Variants in CAPN5 observed in about 807,000 individuals in gnomAD.
The protein encoded by CAPN5 is calpain-5.
CAPN5 carries 54 observed loss-of-function variants against 73.0 expected under a neutral mutation model. The ratio of observed to expected loss-of-function variants is 0.74; its 90% CI spans 0.59 to 0.93. The LOEUF (loss-of-function observed/expected upper bound fraction) is 0.93. Ranked by LOEUF, CAPN5 falls within the 40% of genes least tolerant of loss-of-function variation. CAPN5 has a pLI of 0.00. For missense variants in CAPN5, 785 were observed against 882.9 expected, an observed-to-expected ratio of 0.89 and a Z score of 1.41; for synonymous variants, 335 against 356.9, an observed-to-expected ratio of 0.94 and a Z score of 0.69.
intron 3 of CAPN5, among the ~76,000 whole-genome samples, chr11:77,098,177 G>A (rs1950234384): frequency 1.4e-5 from 1 of 70,532 alleles, no homozygotes; most frequent in Admixed American, 1.1e-4. Context: ...GGGGCGGCCG[G>A]GCAGAGGCGT....
At chr11:77,106,228 A>C (rs1950346482) in intron 3 of CAPN5, among the ~76,000 whole-genome samples, 2 of 150,600 alleles carry the variant, frequency 1.3e-5, no homozygotes, top group African/African-American at 2.5e-5. Context: ...CACACCCCTC[A>C]CAGCATGCGC....
At chr11:77,105,306 C>T (rs1222737393) in intron 3 of CAPN5, among the ~76,000 whole-genome samples, 4 of 152,118 alleles carry the variant, frequency 2.6e-5, no homozygotes, top group Non-Finnish European at 5.9e-5. Flanking sequence ...ACTCCCCCAG[C>T]CCTTGCCACC....
chr11:77,067,525 T>G (rs1949856401), intron 1 of CAPN5, among the ~76,000 whole-genome samples: 1 of 151,934 alleles, frequency 6.6e-6, no homozygotes, highest in Non-Finnish European at 1.5e-5. Context: ...CACCCAGGCC[T>G]GGGGAAGGGG....
chr11:77,104,238 G>T (rs1320783638), intron 3 of CAPN5, among the ~76,000 whole-genome samples: 1 of 152,142 alleles, frequency 6.6e-6, no homozygotes, highest in Non-Finnish European at 1.5e-5. Context: ...TAGTAAAGGG[G>T]GTTCCCTTTG....
intron 1 of CAPN5, among the ~76,000 whole-genome samples, chr11:77,083,518 C>A (rs1555034913): frequency 6.6e-6 from 1 of 152,212 alleles, no homozygotes; most frequent in African/African-American, 2.4e-5. Flanking sequence ...CAGGTCACCT[C>A]ACCTCACTGA....
intron 2 of CAPN5, among the ~76,000 whole-genome samples, chr11:77,092,643 G>A (rs1950159707): frequency 6.6e-6 from 1 of 152,276 alleles, no homozygotes; most frequent in African/African-American, 2.4e-5. Flanking sequence ...TGCGTCTCAT[G>A]GAGCAGCCTC....
rs556553510 is a variant in CAPN5 at position 77,111,178 on chromosome 11, G to A, written c.298-1411G>A. 5.5e-4 allele frequency among the ~76,000 whole-genome samples: 83 copies of A among 152,052 alleles called. 1 individual carries two copies. The highest frequency in any genetic ancestry group is 2.0e-3 in the African/African-American group (83 of 41,470). The stretch of plus-strand genomic sequence containing the variant: ...CCCGCCTGCACCCTGTGTAGCCTCA[G>A]CACTTTGCCTGGGTGCCTCCTCCTC... On this transcript the variant is annotated intron_variant, in intron 3 of 12. Transcript: ENST00000648180.
At chr11:77,067,642 T>TGTGTGTGTGTGTGC (rs1428322870) in intron 1 of CAPN5, among the ~76,000 whole-genome samples, 2 of 147,338 alleles carry the variant, frequency 1.4e-5, no homozygotes, top group African/African-American at 5.3e-5. Flanking sequence ...CGTGTGTGTG[T>TGTGTGTGTGTGTGC]GTGTGTGTGT....
intron 3 of CAPN5, chr11:77,102,800 C>T: frequency 2.6e-6 from 4 of 1,511,784 alleles, no homozygotes; most frequent in Non-Finnish European, 3.5e-6. Flanking sequence ...GGCTCCAGCC[C>T]ACTTGGGTCC....
intron 2 of CAPN5, among the ~76,000 whole-genome samples, chr11:77,093,039 G>A (rs1323416199): frequency 9.9e-5 from 15 of 152,250 alleles, no homozygotes; most frequent in Admixed American, 6.5e-5. Context: ...TTTGCTTGCT[G>A]TGTGCCTTTG....
chr11:77,071,703 C>T, intron 1 of CAPN5: 1 of 435,444 alleles, frequency 2.3e-6, no homozygotes, highest in Non-Finnish European at 4.8e-6. Flanking sequence ...AGGATGTTGC[C>T]CAGCCTGACA....
chr11:77,098,347 C>T (rs1374742368), intron 3 of CAPN5, among the ~76,000 whole-genome samples: 8 of 105,916 alleles, frequency 7.6e-5, no homozygotes, highest in Non-Finnish European at 1.0e-4. Flanking sequence ...CACCTCCCTC[C>T]GGGACGGGGC....
rs144201522 is a variant in CAPN5 at position 77,107,699 on chromosome 11, A to G, written c.298-4890A>G. On this transcript the variant is annotated intron_variant, in intron 3 of 12. Transcript: ENST00000648180. ...TTCTGCCGTGGGTGGCCGTTGGTGG[A>G]TCACATCCCAGGGGGTTATCAGGGA... Among the ~76,000 whole-genome samples, 3 of 152,200 alleles carry G rather than the reference A, an allele frequency of 2.0e-5. No individual in the cohort carries two copies. The South Asian group carries it at 6.2e-4, about 32-fold the overall frequency.
In CAPN5 at chr11:77,115,517, A is replaced by C; in HGVS notation, c.822A>C (p.Ser274=). 1 of 1,613,326 alleles carries C rather than the reference A, an allele frequency of 6.2e-7. No individual in the cohort carries two copies. Among genetic ancestry groups the C allele is most frequent in the South Asian group, 1.1e-5 (1 of 91,024 alleles). ...ACGGCCTACTGGCCTTCTTCAAGTC[A>C]GAGAAGTTGGACATGATCCGCCTGC... The part of the protein sequence containing the change: ...LGHGLLAFFK[S]EKLDMIRLRN... Residue 274 remains serine (S), a synonymous_variant, in exon 6 of 13, where the codon TCA becomes TCC. Transcript: ENST00000648180.
intron 3 of CAPN5, chr11:77,103,094 G>C (rs781845332): frequency 6.2e-7 from 1 of 1,613,872 alleles, no homozygotes; most frequent in South Asian, 1.1e-5. Flanking sequence ...GCACCTCGCA[G>C]AACTGGACGC....
In CAPN5 at chr11:77,115,385, C is replaced by A. The variant is rs1950455943; in HGVS notation, c.700-10C>A. ...GCCCTGCCTCTCTGAGCAACTGTGT[C>A]CCTCCACAGGCAGTGACAGCAGCTG... On this transcript the variant is annotated splice_polypyrimidine_tract_variant and intron_variant, in intron 5 of 12. Transcript: ENST00000648180. 6.3e-7 allele frequency: 1 copy of A among 1,592,694 alleles called. No individual in the cohort carries two copies. Among genetic ancestry groups the A allele is most frequent in the Non-Finnish European group, 8.6e-7 (1 of 1,165,460 alleles).
chr11:77,092,990 GAA>G (rs1428591719), intron 2 of CAPN5, among the ~76,000 whole-genome samples: 10 of 152,144 alleles, frequency 6.6e-5, no homozygotes, highest in African/African-American at 1.9e-4. Context: ...AAAAAAGAAA[GAA>G]AAAAGGAAAA....
intron 2 of CAPN5, among the ~76,000 whole-genome samples, chr11:77,093,041 GTGCCTT>G (rs1950165537): frequency 1.3e-5 from 2 of 152,340 alleles, no homozygotes; most frequent in African/African-American, 4.8e-5. Flanking sequence ...TGCTTGCTGT[GTGCCTT>G]TGACAAGTCA....
chr11:77,092,033 A>T (rs1396729304), intron 2 of CAPN5, among the ~76,000 whole-genome samples: 2 of 152,208 alleles, frequency 1.3e-5, no homozygotes, highest in African/African-American at 4.8e-5. Flanking sequence ...CAGCCTGGGC[A>T]ACATAGTGAG....
Sources: allele counts gnomAD v4.1 joint callset (sites outside exome capture counted in the v4.1 genomes callset), GRCh38; gene constraint gnomAD v4.1.1; transcripts MANE v1.5; gene names NCBI Gene and HGNC (gene_info 2026-07-23, HGNC 2026-07-21).